SLC9A9: variants seen among roughly 807,000 people sequenced by gnomAD.
SLC9A9 encodes the protein sodium/hydrogen exchanger 9.
SLC9A9 carries 62 observed loss-of-function variants against 77.8 expected under a neutral mutation model. That is an observed-to-expected ratio of 0.80 (90% CI 0.65 to 0.98). SLC9A9 has a LOEUF of 0.98. Among genes scored for constraint, SLC9A9 ranks in the 50% least tolerant of loss-of-function variants. The probability of loss-of-function intolerance (pLI) is 0.00; values close to 1 mark genes in which losing one functional copy is unlikely to be tolerated. For missense variants in SLC9A9, 775 were observed against 774.9 expected, an observed-to-expected ratio of 1.00 and a Z score of 0.00; for synonymous variants, 320 against 283.5, an observed-to-expected ratio of 1.13 and a Z score of -1.29.
intron 6 of SLC9A9, among the ~76,000 whole-genome samples, chr3:143,634,370 C>G (rs1259352072): frequency 6.6e-6 from 1 of 152,098 alleles, no homozygotes; most frequent in Non-Finnish European, 1.5e-5. Flanking sequence ...TCTCTGGAGT[C>G]ATTATATCTT....
intron 12 of SLC9A9, among the ~76,000 whole-genome samples, chr3:143,417,867 G>T (rs2034226222): frequency 6.6e-6 from 1 of 151,966 alleles, no homozygotes; most frequent in Admixed American, 6.6e-5. Context: ...CATCCTTCAA[G>T]GCCTACAGAG....
At chr3:143,715,201 T>TC (rs1433293947) in intron 4 of SLC9A9, among the ~76,000 whole-genome samples, 2 of 151,464 alleles carry the variant, frequency 1.3e-5, no homozygotes, top group Non-Finnish European at 2.9e-5. Context: ...CTTTATTCTT[T>TC]TCTTTCAGTT....
intron 4 of SLC9A9, among the ~76,000 whole-genome samples, chr3:143,753,485 A>C (rs1349444811): frequency 1.3e-5 from 2 of 152,206 alleles, no homozygotes; most frequent in Non-Finnish European, 2.9e-5. Flanking sequence ...AAAGAGAGGA[A>C]GCCAACAGAG....
intron 14 of SLC9A9, among the ~76,000 whole-genome samples, chr3:143,275,456 T>C (rs1165583566): frequency 1.3e-5 from 2 of 152,216 alleles, no homozygotes; most frequent in Non-Finnish European, 2.9e-5. Context: ...ATTTCCTTGC[T>C]TTGCGTTTCT....
At chr3:143,786,233 T>A (rs541291329) in intron 4 of SLC9A9, among the ~76,000 whole-genome samples, 1 of 152,366 alleles carries the variant, frequency 6.6e-6, no homozygotes, top group East Asian at 1.9e-4. Flanking sequence ...ACTTCTCAGA[T>A]AAATTCTCCT....
intron 5 of SLC9A9, among the ~76,000 whole-genome samples, chr3:143,678,269 G>C (rs1179950345): frequency 6.6e-6 from 1 of 151,990 alleles, no homozygotes; most frequent in Non-Finnish European, 1.5e-5. Flanking sequence ...TCTATTGACT[G>C]TTTATGGTGT....
intron 6 of SLC9A9, among the ~76,000 whole-genome samples, chr3:143,640,929 A>G (rs2038610549): frequency 6.6e-6 from 1 of 152,236 alleles, no homozygotes; most frequent in African/African-American, 2.4e-5. Flanking sequence ...ACATAAAGAA[A>G]GATTTTTAGA....
At chr3:143,827,475 T>G (rs2009329280) in intron 2 of SLC9A9, among the ~76,000 whole-genome samples, 1 of 152,222 alleles carries the variant, frequency 6.6e-6, no homozygotes, top group Non-Finnish European at 1.5e-5. Flanking sequence ...TGGCATATGG[T>G]GTTTCCTGAA....
intron 13 of SLC9A9, among the ~76,000 whole-genome samples, chr3:143,367,075 C>T (rs998135086): frequency 2.6e-5 from 4 of 152,198 alleles, no homozygotes; most frequent in Non-Finnish European, 5.9e-5. Context: ...GAAATCCTCT[C>T]TTTTTCTCCT....
intron 14 of SLC9A9, among the ~76,000 whole-genome samples, chr3:143,278,520 T>G (rs559219329): frequency 3.9e-5 from 6 of 152,234 alleles, no homozygotes; most frequent in Non-Finnish European, 8.8e-5. Flanking sequence ...TTCTAGAGGC[T>G]AAATCCAATA....
At chr3:143,696,814 C>T (rs1353005061) in intron 4 of SLC9A9, among the ~76,000 whole-genome samples, 1 of 151,984 alleles carries the variant, frequency 6.6e-6, no homozygotes, top group African/African-American at 2.4e-5. Flanking sequence ...TATATACTAC[C>T]AAGGTATGGC....
chr3:143,277,629 T>C (rs1472507542), intron 14 of SLC9A9, among the ~76,000 whole-genome samples: 1 of 152,184 alleles, frequency 6.6e-6, no homozygotes, highest in Non-Finnish European at 1.5e-5. Flanking sequence ...ATATGGATAG[T>C]GTTACATTTG....
intron 4 of SLC9A9, among the ~76,000 whole-genome samples, chr3:143,706,715 C>A (rs1009644760): frequency 1.3e-5 from 2 of 152,202 alleles, no homozygotes; most frequent in Non-Finnish European, 2.9e-5. Flanking sequence ...GCAAGCTTGT[C>A]TAACCCACAG....
intron 9 of SLC9A9, among the ~76,000 whole-genome samples, chr3:143,505,496 T>C (rs989782687): frequency 1.3e-5 from 2 of 152,168 alleles, no homozygotes; most frequent in Non-Finnish European, 2.9e-5. Context: ...CTCCAAGTTG[T>C]TTAGGACTAT....
chr3:143,806,055 T>C (rs1181965527), intron 2 of SLC9A9, among the ~76,000 whole-genome samples: 1 of 151,922 alleles, frequency 6.6e-6, no homozygotes, highest in Non-Finnish European at 1.5e-5. Flanking sequence ...CTCTTTATCC[T>C]TTATTCTTTT....
intron 1 of SLC9A9, among the ~76,000 whole-genome samples, chr3:143,836,247 A>C (rs2009564288): frequency 6.6e-6 from 1 of 152,242 alleles, no homozygotes; most frequent in Admixed American, 6.5e-5. Context: ...AACCAGTTTT[A>C]TAAAGACATA....
chr3:143,628,291 G>A (rs2038364512), intron 6 of SLC9A9, among the ~76,000 whole-genome samples: 2 of 152,268 alleles, frequency 1.3e-5, no homozygotes, highest in Middle Eastern at 3.4e-3. Context: ...AGTTGAAGAT[G>A]CATTTAATAT....
At chr3:143,587,528 C>A (rs2037563696) in intron 6 of SLC9A9, among the ~76,000 whole-genome samples, 1 of 152,184 alleles carries the variant, frequency 6.6e-6, no homozygotes, top group Non-Finnish European at 1.5e-5. Context: ...GCCAGCATGG[C>A]TGGAGGGAAA....
chr3:143,634,162 T>C (rs2038474487), intron 6 of SLC9A9, among the ~76,000 whole-genome samples: 4 of 152,052 alleles, frequency 2.6e-5, no homozygotes, highest in Admixed American at 2.6e-4. Context: ...AGCTTGAAAT[T>C]CAGTAACTTT....
Sources: allele counts gnomAD v4.1 joint callset (sites outside exome capture counted in the v4.1 genomes callset), GRCh38; gene constraint gnomAD v4.1.1; transcripts MANE v1.5; gene names NCBI Gene and HGNC (gene_info 2026-07-23, HGNC 2026-07-21).